The following STOX2 variants were observed in gnomAD, a reference collection of about 807,000 sequenced individuals.
STOX2 encodes storkhead box 2, also known as storkhead-box protein 2.
In STOX2, 28 loss-of-function variants were observed where a neutral mutation model predicts 60.9. The observed-to-expected ratio is 0.46, with a 90% CI of 0.34 to 0.63. The LOEUF (loss-of-function observed/expected upper bound fraction) is 0.63, where lower values mean the gene tolerates loss of function less well. Ranked by LOEUF, STOX2 falls within the 30% of genes least tolerant of loss-of-function variation. The pLI, the probability that STOX2 is intolerant of heterozygous loss-of-function variation, is 0.01. For synonymous variants in STOX2, 472 were observed against 463.9 expected, an observed-to-expected ratio of 1.02 and a Z score of -0.22; for missense variants, 1,024 against 1,187.7, an observed-to-expected ratio of 0.86 and a Z score of 2.03.
chr4:183,910,369 A>G (rs1455801958), intron 1 of STOX2, among the ~76,000 whole-genome samples: 1 of 152,192 alleles, frequency 6.6e-6, no homozygotes, highest in Non-Finnish European at 1.5e-5. Flanking sequence ...AAACATGCTC[A>G]TTTGTCTCTG....
intron 1 of STOX2, among the ~76,000 whole-genome samples, chr4:183,951,169 C>T (rs577274917): frequency 0.013 from 1,902 of 149,340 alleles, 16 homozygotes; most frequent in Non-Finnish European, 0.02. Flanking sequence ...GAGCCGAGAT[C>T]GCGCCACTGC....
chr4:183,972,184 T>C (rs556408728), intron 1 of STOX2, among the ~76,000 whole-genome samples: 1 of 152,302 alleles, frequency 6.6e-6, no homozygotes, highest in African/African-American at 2.4e-5. Context: ...AGGATTTCCT[T>C]CTTTCTGATG....
At chr4:183,940,597 A>G (rs1742728812) in intron 1 of STOX2, among the ~76,000 whole-genome samples, 1 of 152,176 alleles carries the variant, frequency 6.6e-6, no homozygotes, top group African/African-American at 2.4e-5. Context: ...ATCAAAGGGA[A>G]CACAGCACGG....
chr4:183,974,006 G>A (rs1190863177), intron 1 of STOX2, among the ~76,000 whole-genome samples: 17 of 152,204 alleles, frequency 1.1e-4, no homozygotes, highest in East Asian at 5.8e-4. Context: ...ATATATACAC[G>A]TATAATAATG....
intron 1 of STOX2, among the ~76,000 whole-genome samples, chr4:183,823,660 G>T (rs1391219916): frequency 6.6e-6 from 1 of 152,194 alleles, no homozygotes; most frequent in Non-Finnish European, 1.5e-5. Context: ...CGTCCTCATA[G>T]CTCTGGGCCC....
chr4:183,886,520 GA>G (rs1560863990), intron 1 of STOX2, among the ~76,000 whole-genome samples: 1 of 152,200 alleles, frequency 6.6e-6, no homozygotes, highest in Non-Finnish European at 1.5e-5. Flanking sequence ...GGACACAAGA[GA>G]AAGGGGAAAA....
At chr4:183,874,672 A>T (rs1433883176) in intron 1 of STOX2, among the ~76,000 whole-genome samples, 1 of 151,400 alleles carries the variant, frequency 6.6e-6, no homozygotes, top group Non-Finnish European at 1.5e-5. Flanking sequence ...CACGCCTGTA[A>T]TCCCAACACT....
chr4:183,906,601 C>T lies in STOX2; in HGVS notation c.-190C>T. The T allele has an allele frequency of 1.7e-6, 1 of 578,724 alleles. No individual in the cohort carries two copies. The highest frequency in any genetic ancestry group is 3.0e-6 in the Non-Finnish European group (1 of 334,698). The allele number at this position is 578,724 out of a possible 1,614,324, so 35.8% of individuals were successfully genotyped here. On this transcript the variant is annotated 5_prime_UTR_variant, in exon 1 of 4. Coordinates refer to ENST00000308497, the MANE Select transcript of STOX2 (RefSeq NM_020225.3). ...GGGACGTGTGTAAAATCGGAGCCTTCGCCGTGGGGGTGTGGGGGGGCGTGG... is the reference window on the plus strand; with the variant it reads ...GGGACGTGTGTAAAATCGGAGCCTTTGCCGTGGGGGTGTGGGGGGGCGTGG...
At chr4:183,948,540 C>CTTTTT (rs10687778) in intron 1 of STOX2, among the ~76,000 whole-genome samples, 9,847 of 78,062 alleles carry the variant, frequency 0.13, 1,226 homozygotes, top group South Asian at 0.18. Flanking sequence ...ATGCCTTATC[C>CTTTTT]TTTTTTTTTT....
intron 1 of STOX2, among the ~76,000 whole-genome samples, chr4:183,812,232 G>A (rs74380145): frequency 0.014 from 2,087 of 152,142 alleles, 55 homozygotes; most frequent in African/African-American, 0.048. Flanking sequence ...ATGCCCAGCC[G>A]TCTGTGATTT....
At chr4:183,946,714 C>T (rs1368903535) in intron 1 of STOX2, among the ~76,000 whole-genome samples, 1 of 151,112 alleles carries the variant, frequency 6.6e-6, no homozygotes. Context: ...CAACCTCCGC[C>T]TCCCAGCTTC....
rs1478775319 is a variant in STOX2, at chr4:184,017,321, A to G, written c.*37A>G. 1 of 1,527,210 alleles carries G rather than the reference A, an allele frequency of 6.5e-7. No homozygotes were observed. The allele number at this position is 1,527,210 out of a possible 1,614,324, so 94.6% of individuals were successfully genotyped here. ...CCTCAGATCTTCTGTCTCATTCGATACAGCAAAGTTTACGACACTGGGACT... is the reference window on the plus strand; with the variant it reads ...CCTCAGATCTTCTGTCTCATTCGATGCAGCAAAGTTTACGACACTGGGACT... On this transcript the variant is annotated 3_prime_UTR_variant, in exon 4 of 4. Coordinates refer to ENST00000308497, the MANE Select transcript of STOX2 (RefSeq NM_020225.3).
chr4:183,890,440 G>A (rs568343821), intron 1 of STOX2, among the ~76,000 whole-genome samples: 282 of 142,666 alleles, frequency 2.0e-3, no homozygotes, highest in Non-Finnish European at 3.1e-3. Context: ...CCAAGGTTGC[G>A]TCACTGCACT....
intron 1 of STOX2, among the ~76,000 whole-genome samples, chr4:183,956,159 GT>G (rs1279257483): frequency 2.6e-5 from 4 of 152,296 alleles, no homozygotes; most frequent in Admixed American, 2.6e-4. Flanking sequence ...TCCTTAGAAA[GT>G]TTTGCAAACA....
At chr4:183,863,254 C>G (rs183211183) in intron 1 of STOX2, among the ~76,000 whole-genome samples, 2 of 152,278 alleles carry the variant, frequency 1.3e-5, no homozygotes, top group South Asian at 2.1e-4. Context: ...GTAAGGAAAC[C>G]CATGAACTGT....
chr4:183,812,093 A>G (rs970149986), intron 1 of STOX2, among the ~76,000 whole-genome samples: 4 of 151,968 alleles, frequency 2.6e-5, no homozygotes, highest in African/African-American at 9.7e-5. Context: ...CGCCACACCC[A>G]ACTAACTTAT....
intron 1 of STOX2, among the ~76,000 whole-genome samples, chr4:183,987,040 C>T (rs1241890708): frequency 6.6e-6 from 1 of 152,138 alleles, no homozygotes; most frequent in Non-Finnish European, 1.5e-5. Flanking sequence ...CTGCCACCCA[C>T]CTCTATGGGT....
At position 183,862,564 on chromosome 4, in the gene STOX2, C is replaced by T. The variant is rs147601892; in HGVS notation, c.364+64509C>T. 3.2e-3 allele frequency among the ~76,000 whole-genome samples: 494 copies of T among 152,292 alleles called. 3 individuals carry two copies. Among genetic ancestry groups the T allele is most frequent in the African/African-American group, 0.011 (472 of 41,548 alleles). ...AGGGAAGGCCCTTCTGAAGAAGTGA[C>T]AATGGGAAGACCCAGGGAGGAGCTG... On this transcript the variant is annotated intron_variant, in intron 1 of 2. Coordinates refer to the STOX2 transcript ENST00000513034.
At chr4:183,964,773 G>A (rs1425359978) in intron 1 of STOX2, among the ~76,000 whole-genome samples, 3 of 152,040 alleles carry the variant, frequency 2.0e-5, no homozygotes, top group Non-Finnish European at 2.9e-5. Flanking sequence ...TAGTAGAGAT[G>A]GGGTTTCACC....
Sources: gnomAD v4.1 joint callset for allele counts (sites outside exome capture counted in the v4.1 genomes callset) on GRCh38, gnomAD v4.1.1 for gene constraint, MANE v1.5 for transcripts, NCBI Gene and HGNC (gene_info 2026-07-23, HGNC 2026-07-21) for gene names.